The following STK3 variants were observed in gnomAD, a reference collection of about 807,000 sequenced individuals.
STK3 encodes the protein serine/threonine-protein kinase 3.
Under a neutral mutation model 58.0 loss-of-function variants are expected in STK3, and 41 were observed. The observed-to-expected ratio is 0.71, with a 90% confidence interval of 0.55 to 0.92. The LOEUF (loss-of-function observed/expected upper bound fraction) is 0.92. Ranked by LOEUF, STK3 falls within the 40% of genes least tolerant of loss-of-function variation. The pLI is 0.00. For missense variants in STK3, 479 were observed against 602.7 expected, an observed-to-expected ratio of 0.79 and a Z score of 2.15; for synonymous variants, 170 against 191.0, an observed-to-expected ratio of 0.89 and a Z score of 0.91.
intron 3 of STK3, chr8:98,431,595 A>G (rs1357710203): frequency 6.0e-6 from 1 of 167,098 alleles, no homozygotes; most frequent in Non-Finnish European, 1.5e-5. Context: ...CCTGGTATCC[A>G]TGGCCGCTGA....
chr8:98,364,077 C>G, the STK3 span, among the ~76,000 whole-genome samples: 1 of 152,138 alleles, frequency 6.6e-6, no homozygotes, highest in African/African-American at 2.4e-5. Flanking sequence ...GTGTCACTGT[C>G]TGCTGGAGGG....
chr8:98,778,378 C>T (rs948021475), intron 1 of STK3, among the ~76,000 whole-genome samples: 8 of 151,390 alleles, frequency 5.3e-5, no homozygotes. Context: ...AGTCAGGAAA[C>T]AACAGGTGCT....
intron 3 of STK3, among the ~76,000 whole-genome samples, chr8:98,854,422 A>G (rs965357119): frequency 6.6e-5 from 10 of 152,200 alleles, no homozygotes; most frequent in African/African-American, 2.4e-4. Context: ...TACAGGCATG[A>G]GCCACCATGC....
chr8:98,750,681 G>A lies in STK3; in HGVS notation c.237-1291C>T, dbSNP rs144780613. The stretch of plus-strand genomic sequence containing the variant: ...CAAATTCTAGCAGATGTACAAAGAA[G>A]AGCTGGTACCATCCCTGCTGAAACT... On this transcript the variant is annotated intron_variant, in intron 3 of 10. Transcript: ENST00000419617. 8.6e-3 allele frequency among the ~76,000 whole-genome samples: 1,305 copies of A among 151,396 alleles called. 11 individuals are homozygous for A. Among genetic ancestry groups the A allele is most frequent in the African/African-American group, 0.03 (1,229 of 41,338 alleles).
At chr8:98,458,824 T>C (rs1288786802) in intron 10 of STK3, among the ~76,000 whole-genome samples, 10 of 152,212 alleles carry the variant, frequency 6.6e-5, no homozygotes, top group African/African-American at 2.2e-4. Flanking sequence ...CCTTCCACCA[T>C]GATTGTAAAT....
chr8:98,739,491 T>A lies in STK3; in HGVS notation c.351+9785A>T, dbSNP rs9773475. ...CTGGTACCCAGGCAAACAGAGTCTG[T>A]AGTGGACCTCTAGCAAACTCCAACA... On this transcript the variant is annotated intron_variant, in intron 4 of 10. Coordinates refer to ENST00000419617, the MANE Select transcript of STK3 (RefSeq NM_006281.4). Among the ~76,000 whole-genome samples the A allele has an allele frequency of 2.9e-4, 42 of 145,646 alleles. 2 individuals carry two copies. The highest frequency in any genetic ancestry group is 1.4e-4 in the Admixed American group (2 of 14,452).
upstream of STK3, among the ~76,000 whole-genome samples, chr8:98,392,123 A>T (rs7817169): frequency 0.047 from 7,130 of 152,128 alleles, 249 homozygotes; most frequent in Middle Eastern, 0.13. Context: ...CTGTTTTTTT[A>T]AAAAAATATA....
rs1201982595 is a variant in STK3, at chr8:98,455,110, T to C, written c.*732A>G. On this transcript the variant is annotated 3_prime_UTR_variant, in exon 11 of 11. Transcript: ENST00000419617. ...TTGTGCAAGGGTTCCATTGATTTCT[T>C]TGGTTTTAAACACGATAGATCTATT... 6.6e-6 allele frequency: 1 copy of C among 152,618 alleles called. No individual in the cohort carries two copies. Among genetic ancestry groups the C allele is most frequent in the Non-Finnish European group, 1.5e-5 (1 of 68,030 alleles). 9.5% of individuals were successfully genotyped at this position (152,618 alleles called of 1,614,324 possible). A position where few individuals can be genotyped will look rare whatever the true frequency, so the allele number is the denominator to read the frequency against.
chr8:98,837,699 G>A (rs186130314), intron 3 of STK3, among the ~76,000 whole-genome samples: 2 of 152,272 alleles, frequency 1.3e-5, no homozygotes, highest in East Asian at 1.9e-4. Context: ...AGGCCCAGAC[G>A]GGAGGATCCC....
At chr8:98,447,963 T>C (rs1222809627) in intron 1 of STK3, among the ~76,000 whole-genome samples, 1 of 139,924 alleles carries the variant, frequency 7.1e-6, no homozygotes, top group Non-Finnish European at 1.6e-5. Context: ...AGTATAATAA[T>C]AATAATAATA....
intron 4 of STK3, among the ~76,000 whole-genome samples, chr8:98,738,003 C>G (rs547484660): frequency 6.6e-6 from 1 of 152,252 alleles, no homozygotes; most frequent in African/African-American, 2.4e-5. Context: ...AGCCACCGCA[C>G]CCGGCCGAAT....
At chr8:98,553,638 A>C (rs1300624786) in intron 8 of STK3, among the ~76,000 whole-genome samples, 1 of 152,134 alleles carries the variant, frequency 6.6e-6, no homozygotes, top group Non-Finnish European at 1.5e-5. Context: ...AACACTTATC[A>C]ATGAGTTAGA....
At chr8:98,474,046 T>G (rs1821123015) in intron 10 of STK3, among the ~76,000 whole-genome samples, 1 of 152,160 alleles carries the variant, frequency 6.6e-6, no homozygotes, top group Non-Finnish European at 1.5e-5. Flanking sequence ...CCTTTCCTAT[T>G]TCACTAAATG....
At chr8:98,664,016 G>A (rs958450219) in intron 6 of STK3, among the ~76,000 whole-genome samples, 1 of 152,048 alleles carries the variant, frequency 6.6e-6, no homozygotes, top group Non-Finnish European at 1.5e-5. Context: ...ACATGTTTAG[G>A]TGTTATTATT....
chr8:98,663,929 C>A lies in STK3; in HGVS notation c.684+42538G>T, dbSNP rs115824760. On this transcript the variant is annotated intron_variant, in intron 6 of 10. Transcript: ENST00000419617. The stretch of plus-strand genomic sequence containing the variant: ...TATATAAAATACAGCAAAAATAGTA[C>A]CTTTTGTTCAAAGGATTGTTGAGAA... 8.4e-3 allele frequency among the ~76,000 whole-genome samples: 1,274 copies of A among 152,264 alleles called. 17 individuals carry two copies. The highest frequency in any genetic ancestry group is 0.028 in the African/African-American group (1,173 of 41,558).
At chr8:98,583,845 A>ATGTGTGTGTG (rs529496460) in intron 7 of STK3, among the ~76,000 whole-genome samples, 120 of 144,750 alleles carry the variant, frequency 8.3e-4, no homozygotes, top group African/African-American at 2.8e-3. Context: ...GAGAGAGTGT[A>ATGTGTGTGTG]TGTGTGTGTG....
At position 98,749,366 on chromosome 8, in the gene STK3, G is replaced by T; in HGVS notation, c.261C>A (p.Gly87=). 1 of 1,593,464 alleles carries T rather than the reference G, an allele frequency of 6.3e-7. No homozygotes were observed. The highest frequency in any genetic ancestry group is 1.3e-5 in the African/African-American group (1 of 74,508). The stretch of plus-strand genomic sequence containing the variant: ...AGAGGTCTGTATTCTTAAAATAACT[G>T]CCATAGTACTTTACAACATATGGGC... ...CDSPYVVKYY[G]SYFKNTDLWI... is the part of the protein sequence containing the mutation. Residue 87 remains glycine, a synonymous_variant, in exon 4 of 11, where the codon GGC becomes GGA. Transcript: ENST00000419617.
intron 7 of STK3, among the ~76,000 whole-genome samples, chr8:98,593,772 T>G (rs1157028643): frequency 6.6e-6 from 1 of 152,090 alleles, no homozygotes; most frequent in African/African-American, 2.4e-5. Context: ...CCAAAAAGGT[T>G]GGGGACAACT....
intron 3 of STK3, among the ~76,000 whole-genome samples, chr8:98,871,119 G>T (rs1837360418): frequency 6.6e-6 from 1 of 152,124 alleles, no homozygotes; most frequent in Non-Finnish European, 1.5e-5. Flanking sequence ...CCCATTTCTT[G>T]TTTTTGTCAT....
Sources: allele counts gnomAD v4.1 joint callset (sites outside exome capture counted in the v4.1 genomes callset), GRCh38; gene constraint gnomAD v4.1.1; transcripts MANE v1.5; gene names NCBI Gene and HGNC (gene_info 2026-07-23, HGNC 2026-07-21).